The following ZFYVE28 variants were observed in gnomAD, a reference collection of about 807,000 sequenced individuals.
ZFYVE28 encodes zinc finger FYVE-type containing 28, also known as lateral signaling target protein 2 homolog.
Under a neutral mutation model 82.1 loss-of-function variants are expected in ZFYVE28, and 40 were observed. The ratio of observed to expected loss-of-function variants is 0.49; its 90% CI spans 0.38 to 0.63. The LOEUF (loss-of-function observed/expected upper bound fraction) is 0.63, where lower values mean the gene tolerates loss of function less well. Among genes scored for constraint, ZFYVE28 ranks in the 30% least tolerant of loss-of-function variants. The pLI, the probability that ZFYVE28 is intolerant of heterozygous loss-of-function variation, is 0.00. For missense variants in ZFYVE28, 1,321 were observed against 1,242.1 expected (o/e 1.06, Z -0.96); for synonymous variants, 612 against 546.1 (o/e 1.12, Z -1.68).
intron 2 of ZFYVE28, among the ~76,000 whole-genome samples, chr4:2,349,932 A>G (rs571773775): frequency 6.6e-6 from 1 of 152,218 alleles, no homozygotes; most frequent in East Asian, 1.9e-4. Context: ...ATCTTTGGGG[A>G]GAAAGCATTC....
chr4:2,407,771 A>C (rs550435898), intron 1 of ZFYVE28, among the ~76,000 whole-genome samples: 140 of 152,284 alleles, frequency 9.2e-4, no homozygotes, highest in African/African-American at 3.3e-3. Context: ...TATTTTTAGT[A>C]GAAACAGGGT....
chr4:2,295,222 C>G (rs776198513), intron 8 of ZFYVE28, among the ~76,000 whole-genome samples: 1 of 152,108 alleles, frequency 6.6e-6, no homozygotes, highest in Non-Finnish European at 1.5e-5. Flanking sequence ...AGTGCAGTGA[C>G]GCAATCTTGG....
intron 8 of ZFYVE28, among the ~76,000 whole-genome samples, chr4:2,299,242 A>G (rs1370337625): frequency 6.6e-6 from 1 of 152,076 alleles, no homozygotes; most frequent in African/African-American, 2.4e-5. Context: ...TAACAGAACA[A>G]CTGCCCAGGT....
chr4:2,276,329 G>C (rs1736443284), intron 8 of ZFYVE28, among the ~76,000 whole-genome samples: 1 of 152,234 alleles, frequency 6.6e-6, no homozygotes, highest in African/African-American at 2.4e-5. Context: ...CCCCTCCCAG[G>C]TGGTCAGGGT....
chr4:2,416,375 A>T lies in ZFYVE28; in HGVS notation c.39+1910T>A, dbSNP rs979995379. Among the ~76,000 whole-genome samples, 1 of 152,210 alleles carries T rather than the reference A, an allele frequency of 6.6e-6. No homozygotes were observed. The highest frequency in any genetic ancestry group is 1.5e-5 in the Non-Finnish European group (1 of 68,026). The stretch of plus-strand genomic sequence containing the variant: ...CTTCCACAGCCACGTCCGGAGGGGC[A>T]TCCCCTAGTGTCCCAGCAAGTGCCT... On this transcript the variant is annotated intron_variant, in intron 1 of 12. Coordinates refer to ENST00000290974, the MANE Select transcript of ZFYVE28 (RefSeq NM_020972.3). The surrounding 1 kb of genome is among the most constrained non-coding windows in gnomAD (Gnocchi z 4.6).
At chr4:2,407,587 T>G (rs1326843112) in intron 1 of ZFYVE28, among the ~76,000 whole-genome samples, 1 of 152,140 alleles carries the variant, frequency 6.6e-6, no homozygotes, top group Non-Finnish European at 1.5e-5. Flanking sequence ...GAGTTACATC[T>G]GGAACCTTCT....
At position 2,368,059 on chromosome 4, in the gene ZFYVE28, A is replaced by G. The variant is rs1243008257; in HGVS notation, c.40-13986T>C. Among the ~76,000 whole-genome samples the G allele has an allele frequency of 2.6e-5, 4 of 152,026 alleles. No homozygotes were observed. The East Asian group carries it at 7.7e-4, about 29-fold the overall frequency. On this transcript the variant is annotated intron_variant, in intron 1 of 12. Transcript: ENST00000290974. ...ATTGCTTTCTGAAACTGTTTTATTG[A>G]GATGGGACTCACATGCCATAAAATT...
At position 2,300,972 on chromosome 4, in the gene ZFYVE28, C is replaced by G. The variant is rs928069963; in HGVS notation, c.2051+3317G>C. 6.6e-6 allele frequency among the ~76,000 whole-genome samples: 1 copy of G among 152,156 alleles called. No homozygotes were observed. Among genetic ancestry groups the G allele is most frequent in the Non-Finnish European group, 1.5e-5 (1 of 68,012 alleles). On this transcript the variant is annotated intron_variant, in intron 8 of 12. Coordinates refer to ENST00000290974, the MANE Select transcript of ZFYVE28 (RefSeq NM_020972.3). This position sits in a 1 kb window ranked among gnomAD's most constrained non-coding sequence, Gnocchi z 4.6. Reference sequence around the variant, plus strand: ...GTCTCTCCCACTGCAGAATGGGAGGCGTAACCAAACACAGCCACACCTGTG... The same window carrying G: ...GTCTCTCCCACTGCAGAATGGGAGGGGTAACCAAACACAGCCACACCTGTG...
intron 8 of ZFYVE28, among the ~76,000 whole-genome samples, chr4:2,292,260 G>T (rs1307306497): frequency 6.6e-6 from 1 of 152,202 alleles, no homozygotes; most frequent in Non-Finnish European, 1.5e-5. Context: ...GAAGGCAGCT[G>T]TGGGACTCAG....
In ZFYVE28 at chr4:2,341,309, G is replaced by C; in HGVS notation, c.318+169C>G. The C allele has an allele frequency of 2.4e-6, 2 of 850,310 alleles. No individual in the cohort carries two copies. The highest frequency in any genetic ancestry group is 2.7e-5 in the Admixed American group (1 of 37,642). 52.7% of individuals were successfully genotyped at this position (850,310 alleles called of 1,614,324 possible). The stretch of plus-strand genomic sequence containing the variant: ...CATGGCTTTCCCAGATCCTCCAGGG[G>C]TGCACGGCCTACCAGGCTCAGACCA... On this transcript the variant is annotated intron_variant, in intron 3 of 12. Coordinates refer to ENST00000290974, the MANE Select transcript of ZFYVE28 (RefSeq NM_020972.3). This position sits in a 1 kb window ranked among gnomAD's most constrained non-coding sequence, Gnocchi z 4.5.
intron 6 of ZFYVE28, among the ~76,000 whole-genome samples, chr4:2,334,661 C>G (rs985298595): frequency 1.1e-4 from 16 of 151,262 alleles, no homozygotes; most frequent in Non-Finnish European, 1.6e-4. Context: ...ATCCACATCT[C>G]CACGGGCATC....
chr4:2,332,396 T>C lies in ZFYVE28; in HGVS notation c.701+3309A>G, dbSNP rs1271385971. Among the ~76,000 whole-genome samples the C allele has an allele frequency of 6.6e-6, 1 of 152,118 alleles. No homozygotes were observed. The highest frequency in any genetic ancestry group is 1.5e-5 in the Non-Finnish European group (1 of 67,982). On this transcript the variant is annotated intron_variant, in intron 6 of 12. Transcript: ENST00000290974. This position sits in a 1 kb window ranked among gnomAD's most constrained non-coding sequence, Gnocchi z 4.7. The stretch of plus-strand genomic sequence containing the variant: ...TACACCACCTGCACCAACGTGCCCC[T>C]GCCTGCCACCTGCACAGCTCCCACC...
intron 3 of ZFYVE28, among the ~76,000 whole-genome samples, chr4:2,340,008 G>T (rs972500523): frequency 6.6e-6 from 1 of 151,978 alleles, no homozygotes; most frequent in African/African-American, 2.4e-5. Context: ...GAGGAACCCT[G>T]GTCATGTGAC....
intron 2 of ZFYVE28, among the ~76,000 whole-genome samples, chr4:2,349,012 T>C (rs780950715): frequency 6.6e-6 from 1 of 152,262 alleles, no homozygotes; most frequent in African/African-American, 2.4e-5. Flanking sequence ...GTTTATTGCA[T>C]GTTCTGACAG....
rs754369824 is a variant in ZFYVE28 at position 2,335,656 on chromosome 4, G to A, written c.701+49C>T. The stretch of plus-strand genomic sequence containing the variant: ...CACGGGACCTGGCACCATCAGCCCT[G>A]CCCGTCCCGCAGGTTTCTGCAGAGG... On this transcript the variant is annotated intron_variant, in intron 6 of 12. Transcript: ENST00000290974. The surrounding 1 kb of genome is among the most constrained non-coding windows in gnomAD (Gnocchi z 5.8). 6.5e-7 allele frequency: 1 copy of A among 1,528,716 alleles called. No homozygotes were observed. Among genetic ancestry groups the A allele is most frequent in the African/African-American group, 1.4e-5 (1 of 72,882 alleles). The allele number at this position is 1,528,716 out of a possible 1,614,324, so 94.7% of individuals were successfully genotyped here. A position where few individuals can be genotyped will look rare whatever the true frequency, so the allele number is the denominator to read the frequency against.
In ZFYVE28 at chr4:2,341,146, A is replaced by AG. The variant is rs1446869776; in HGVS notation, c.318+331dup. On this transcript the variant is annotated intron_variant, in intron 3 of 12. Transcript: ENST00000290974. The surrounding 1 kb of genome is among the most constrained non-coding windows in gnomAD (Gnocchi z 4.5). ...GCTGCTGCCCATGCTGCAGGGCCGG[A>AG]GGGGAACACTTGTTCCTGATGTGGG... Among the ~76,000 whole-genome samples the AG allele has an allele frequency of 6.6e-6, 1 of 152,082 alleles. No homozygotes were observed. The highest frequency in any genetic ancestry group is 1.5e-5 in the Non-Finnish European group (1 of 68,018).
intron 1 of ZFYVE28, among the ~76,000 whole-genome samples, chr4:2,392,228 G>A (rs1729918100): frequency 6.6e-6 from 1 of 151,986 alleles, no homozygotes; most frequent in African/African-American, 2.4e-5. Context: ...TGGCCTGGGG[G>A]AATAAAGCAG....
chr4:2,418,286 T>C lies in ZFYVE28; in HGVS notation c.38A>G (p.Lys13Arg), dbSNP rs745519973. The change falls in exon 1 of 13, where the codon AAG becomes AGG. Residue 13 changes from lysine to arginine, a missense_variant and splice_region_variant. Physicochemically the swap from Lys to Arg is conservative, Grantham distance 26. Around this residue, in one of 2 missense-constraint regions of ZFYVE28, gnomAD observed 343 missense variants for 408.4 expected, o/e 0.84. Coordinates refer to ENST00000290974, the MANE Select transcript of ZFYVE28 (RefSeq NM_020972.3). The surrounding 1 kb of genome is among the most constrained non-coding windows in gnomAD (Gnocchi z 4.6). ...NRFRKWLYKP[K>R]RSDPQLLARF... The stretch of plus-strand genomic sequence containing the variant: ...TCCGGCCCGAGCGGGGCCGCTCACC[T>C]TGGGTTTGTAGAGCCACTTTCGGAA... 4.9e-5 allele frequency: 75 copies of C among 1,536,866 alleles called. No homozygotes were observed. The highest frequency in any genetic ancestry group is 3.3e-4 in the Middle Eastern group (2 of 5,978).
intron 8 of ZFYVE28, among the ~76,000 whole-genome samples, chr4:2,292,607 C>T (rs1713900802): frequency 6.6e-6 from 1 of 152,206 alleles, no homozygotes; most frequent in Non-Finnish European, 1.5e-5. Context: ...AAACTCCATT[C>T]ACGGAATAAG....
Sources: gnomAD v4.1 joint callset for allele counts (sites outside exome capture counted in the v4.1 genomes callset) on GRCh38, gnomAD v4.1.1 for gene constraint, gnomAD v4.1.1 regional missense constraint, Gnocchi (gnomAD v3.1) non-coding constraint, MANE v1.5 for transcripts, NCBI Gene and HGNC (gene_info 2026-07-23, HGNC 2026-07-21) for gene names.